HDLBP: variants seen among roughly 807,000 people sequenced by gnomAD.
The protein encoded by HDLBP is high density lipoprotein binding protein.
In HDLBP, 30 loss-of-function variants were observed where a neutral mutation model predicts 137.3. The ratio of observed to expected loss-of-function variants is 0.22; its 90% confidence interval spans 0.16 to 0.30. The LOEUF is 0.30. HDLBP is among the 10% of genes least tolerant of loss of function. HDLBP has a pLI of 1.00. For missense variants in HDLBP, 1,119 were observed against 1,667.3 expected, an observed-to-expected ratio of 0.67 and a Z score of 5.73; for synonymous variants, 606 against 596.0, an observed-to-expected ratio of 1.02 and a Z score of -0.24.
chr2:241,236,201 G>A (rs372101739), intron 21 of HDLBP: 1 of 235,698 alleles, frequency 4.2e-6, no homozygotes, highest in Non-Finnish European at 8.3e-6. Context: ...GCAGCACTGA[G>A]AGCAGCATCC....
chr2:241,232,868 G>A (rs984399870), intron 24 of HDLBP, among the ~76,000 whole-genome samples: 3 of 152,082 alleles, frequency 2.0e-5, no homozygotes, highest in African/African-American at 7.2e-5. Flanking sequence ...AAAAATGTAT[G>A]TGGGGAGGGA....
In HDLBP at chr2:241,239,836, G is replaced by A. The variant is rs759415030; in HGVS notation, c.2392-16C>T. On this transcript the variant is annotated splice_polypyrimidine_tract_variant and intron_variant, in intron 18 of 27. Transcript: ENST00000310931. This position sits in a 1 kb window ranked among gnomAD's most constrained non-coding sequence, Gnocchi z 4.6. Reference sequence around the variant, plus strand: ...CCACATTATCCTGCAGTGTTAAGAAGAGATGGAAGATAAGCCACCCCATCA... The same window carrying A: ...CCACATTATCCTGCAGTGTTAAGAAAAGATGGAAGATAAGCCACCCCATCA... 4.3e-6 allele frequency: 7 copies of A among 1,612,372 alleles called. No individual in the cohort carries two copies. The East Asian group carries it at 1.3e-4, about 31-fold the overall frequency.
intron 1 of HDLBP, among the ~76,000 whole-genome samples, chr2:241,312,369 G>A (rs1041565085): frequency 2.0e-5 from 3 of 152,178 alleles, no homozygotes; most frequent in Non-Finnish European, 4.4e-5. Context: ...CTTCTAAAAT[G>A]TCTCTGACTT....
rs1356840824 is a variant in HDLBP at position 241,229,907 on chromosome 2, G to A, written c.3646C>T (p.His1216Tyr). 6.3e-7 allele frequency: 1 copy of A among 1,599,634 alleles called. No individual in the cohort carries two copies. Among genetic ancestry groups the A allele is most frequent in the Admixed American group, 1.7e-5 (1 of 58,394 alleles). Residue 1216 changes from histidine to tyrosine, a missense_variant, in exon 27 of 28, where the codon CAC (histidine) becomes TAC (tyrosine). His to Tyr is a moderately conservative substitution (Grantham distance 83). Coordinates refer to ENST00000310931, the MANE Select transcript of HDLBP (RefSeq NM_005336.6). Reference protein sequence around the residue: ...ALQVYMKPPAHEEAKAPSRGF... With the variant: ...ALQVYMKPPAYEEAKAPSRGF... ...CTGGAAGGTGCCTTGGCCTCTTCGT[G>A]TGCTGGGGGTTTCATGTATACCTGC...
At chr2:241,300,346 G>A (rs1442509969) in intron 1 of HDLBP, among the ~76,000 whole-genome samples, 1 of 152,108 alleles carries the variant, frequency 6.6e-6, no homozygotes, top group East Asian at 1.9e-4. Context: ...TAGGCAAATC[G>A]GAGTAACCCA....
At position 241,239,525 on chromosome 2, in the gene HDLBP, G is replaced by A. The variant is rs1344192768; in HGVS notation, c.2610+77C>T. 4 of 1,193,518 alleles carry A rather than the reference G, an allele frequency of 3.4e-6. No individual in the cohort carries two copies. Among genetic ancestry groups the A allele is most frequent in the Non-Finnish European group, 3.7e-6 (3 of 812,226 alleles). 73.9% of individuals were successfully genotyped at this position (1,193,518 alleles called of 1,614,324 possible). A position where few individuals can be genotyped will look rare whatever the true frequency, so the allele number is the denominator to read the frequency against. ...GAGGGAGTCACCTCCCTACAGGGTG[G>A]AGCGAACACTCATACACGGCTTCGG... On this transcript the variant is annotated intron_variant, in intron 19 of 27. Transcript: ENST00000310931. The surrounding 1 kb of genome is among the most constrained non-coding windows in gnomAD (Gnocchi z 4.6).
At chr2:241,263,616 A>C (rs187413957) in intron 4 of HDLBP, among the ~76,000 whole-genome samples, 7 of 152,156 alleles carry the variant, frequency 4.6e-5, no homozygotes, top group Admixed American at 2.0e-4. Flanking sequence ...GCAACTGTTT[A>C]TGAGCCTAAA....
At chr2:241,249,759 ACAC>A in intron 12 of HDLBP, 79 bp downstream of exon 12, 3 of 1,361,736 alleles carry the variant, frequency 2.2e-6, no homozygotes, top group Non-Finnish European at 3.0e-6. Flanking sequence ...CTAAGGCCGC[ACAC>A]CACAACACGC....
chr2:241,273,575 T>TTCTTTTAAGGGTAA, intron 1 of HDLBP: 2 of 984,194 alleles, frequency 2.0e-6, no homozygotes, highest in Non-Finnish European at 2.4e-6. Flanking sequence ...CTGCCACTGT[T>TTCTTTTAAGGGTAA]TCTTTTAAGG....
Position 241,257,573 on chromosome 2 carries a change from G to T in HDLBP, c.451-767C>A, listed in dbSNP as rs569444549. Among the ~76,000 whole-genome samples the T allele has an allele frequency of 2.0e-5, 3 of 152,290 alleles. No individual in the cohort carries two copies. The South Asian group carries it at 6.2e-4, about 32-fold the overall frequency. On this transcript the variant is annotated intron_variant, in intron 5 of 27. Coordinates refer to ENST00000310931, the MANE Select transcript of HDLBP (RefSeq NM_005336.6). The stretch of plus-strand genomic sequence containing the variant: ...TAGAAAAAAGGAAAAAAGAAAAAAG[G>T]ACAAGAAAATAGCAAGACACAAGCC...
Position 241,256,643 on chromosome 2 carries a change from A to G in HDLBP, c.614T>C (p.Ile205Thr). Residue 205 changes from isoleucine to threonine, a missense_variant, in exon 6 of 28, where the codon ATC becomes ACC. By Grantham distance (89) the Ile-to-Thr change is moderately conservative (BLOSUM62 -1). Around this residue, in one of 4 missense-constraint regions of HDLBP, gnomAD observed 425 missense variants for 693.9 expected, o/e 0.61. Coordinates refer to ENST00000310931, the MANE Select transcript of HDLBP (RefSeq NM_005336.6). ...QIKITGTKEG[I>T]EKARHEVLLI... ...TAAGACTTCATGGCGAGCTTTCTCG[A>G]TGCCCTCTTTGGTGCCAGTGATCTT... The G allele has an allele frequency of 1.2e-6, 2 of 1,614,140 alleles. No individual in the cohort carries two copies. The highest frequency in any genetic ancestry group is 1.7e-6 in the Non-Finnish European group (2 of 1,180,022).
chr2:241,229,784 G>GGCCCCCC, intron 27 of HDLBP, 49 bp downstream of exon 27: 1 of 1,502,544 alleles, frequency 6.7e-7, no homozygotes, highest in African/African-American at 1.4e-5. Context: ...AAGCCCGCCT[G>GGCCCCCC]CCCGCCCACC....
In HDLBP at chr2:241,272,607, CGCAG is replaced by C; in HGVS notation, c.-102-4070_-102-4067del. The C allele has an allele frequency of 5.1e-6, 5 of 982,370 alleles. No individual in the cohort carries two copies. Among genetic ancestry groups the C allele is most frequent in the Non-Finnish European group, 6.0e-6 (5 of 828,178 alleles). 60.9% of individuals were successfully genotyped at this position (982,370 alleles called of 1,614,324 possible). On this transcript the variant is annotated intron_variant, in intron 1 of 27. Transcript: ENST00000310931. The surrounding 1 kb of genome is among the most constrained non-coding windows in gnomAD (Gnocchi z 5.6). Reference sequence around the variant, plus strand: ...AAGCAGGACACCCGCGGGCGGGGGCCGCAGCCTGGGGCCCGGGTGGGGGCCGCGG... The same window carrying C: ...AAGCAGGACACCCGCGGGCGGGGGCCCCTGGGGCCCGGGTGGGGGCCGCGG...
intron 1 of HDLBP, among the ~76,000 whole-genome samples, chr2:241,283,307 A>G (rs923313374): frequency 1.3e-5 from 2 of 152,180 alleles, no homozygotes; most frequent in Non-Finnish European, 2.9e-5. Flanking sequence ...CTAACATGAA[A>G]GTGCACGGTG....
At position 241,272,157 on chromosome 2, in the gene HDLBP, C is replaced by A; in HGVS notation, c.-102-3616G>T. On this transcript the variant is annotated intron_variant, in intron 1 of 27. Coordinates refer to ENST00000310931, the MANE Select transcript of HDLBP (RefSeq NM_005336.6). This position sits in a 1 kb window ranked among gnomAD's most constrained non-coding sequence, Gnocchi z 5.6. ...CCAAGAAGAGCAGCTTTCCCCACCC[C>A]CGAACACGTAGACTGACGCGGGCCC... 1.0e-6 allele frequency: 1 copy of A among 984,994 alleles called. No homozygotes were observed. The highest frequency in any genetic ancestry group is 1.7e-5 in the African/African-American group (1 of 57,374). The allele number at this position is 984,994 out of a possible 1,614,324, so 61.0% of individuals were successfully genotyped here.
intron 1 of HDLBP, among the ~76,000 whole-genome samples, chr2:241,295,798 G>A (rs1311937944): frequency 6.6e-6 from 1 of 152,214 alleles, no homozygotes; most frequent in Non-Finnish European, 1.5e-5. Context: ...CGTGAAGAGG[G>A]AGGCAGGGGT....
At chr2:241,305,811 G>A (rs1244815435) in intron 1 of HDLBP, among the ~76,000 whole-genome samples, 1 of 150,852 alleles carries the variant, frequency 6.6e-6, no homozygotes, top group African/African-American at 2.4e-5. Flanking sequence ...CCAGGCTGGA[G>A]TGCAGTGGCG....
chr2:241,246,740 A>T lies in HDLBP; in HGVS notation c.1950+12T>A. 1 of 1,611,642 alleles carries T rather than the reference A, an allele frequency of 6.2e-7. No homozygotes were observed. On this transcript the variant is annotated intron_variant, in intron 16 of 27. Coordinates refer to ENST00000310931, the MANE Select transcript of HDLBP (RefSeq NM_005336.6). ...TACTGGAGGATCTCCATTAGAAAAC[A>T]TCTCCCATTACCAGGTCTTTCTGAA...
At chr2:241,247,861 A>G (rs2071799291) in intron 14 of HDLBP, 142 bp downstream of exon 14, 2 of 624,802 alleles carry the variant, frequency 3.2e-6, no homozygotes, top group Non-Finnish European at 5.8e-6. Flanking sequence ...CTTTGTCCCA[A>G]GTCCCTGAGA....
Sources: allele counts gnomAD v4.1 joint callset (sites outside exome capture counted in the v4.1 genomes callset), GRCh38; gene constraint gnomAD v4.1.1; regional missense constraint gnomAD v4.1.1; non-coding constraint Gnocchi (gnomAD v3.1); transcripts MANE v1.5; gene names NCBI Gene and HGNC (gene_info 2026-07-23, HGNC 2026-07-21).